Variants in FNBP1 observed in about 807,000 individuals in gnomAD.
FNBP1 encodes the protein formin-binding protein 1.
Under a neutral mutation model 90.6 loss-of-function variants are expected in FNBP1, and 26 were observed. The observed-to-expected ratio is 0.29, with a 90% CI of 0.21 to 0.40. FNBP1 has a LOEUF of 0.40. Among genes scored for constraint, FNBP1 ranks in the 10% least tolerant of loss-of-function variants. FNBP1 has a pLI of 1.00. For missense variants in FNBP1, 635 were observed against 768.0 expected, an observed-to-expected ratio of 0.83 and a Z score of 2.05; for synonymous variants, 260 against 265.2, an observed-to-expected ratio of 0.98 and a Z score of 0.19.
rs1362577807 is a variant in FNBP1, at chr9:129,966,331, C to G, written c.346-7778G>C. 6.6e-6 allele frequency among the ~76,000 whole-genome samples: 1 copy of G among 152,132 alleles called. No individual in the cohort carries two copies. The highest frequency in any genetic ancestry group is 2.4e-5 in the African/African-American group (1 of 41,420). ...GCCCTGTTTGAGGAACAGCTGGATG[C>G]CAGTGCCACTAGACCAAGGTAAAGG... On this transcript the variant is annotated intron_variant, in intron 4 of 16. Transcript: ENST00000446176. The surrounding 1 kb of genome is among the most constrained non-coding windows in gnomAD (Gnocchi z 4.3).
chr9:129,982,619 G>T (rs1462612433), intron 2 of FNBP1, among the ~76,000 whole-genome samples: 3 of 152,152 alleles, frequency 2.0e-5, no homozygotes, highest in African/African-American at 7.2e-5. Flanking sequence ...CTGCATGTGA[G>T]ATATTTCTAG....
chr9:129,951,989 C>T (rs1242302090), intron 6 of FNBP1, among the ~76,000 whole-genome samples: 2 of 151,304 alleles, frequency 1.3e-5, no homozygotes, highest in Non-Finnish European at 2.9e-5. Context: ...GGCAGGAGTT[C>T]GAGACCAGCC....
intron 1 of FNBP1, among the ~76,000 whole-genome samples, chr9:130,039,722 G>C (rs2059658551): frequency 6.7e-6 from 1 of 149,976 alleles, no homozygotes; most frequent in South Asian, 2.1e-4. Context: ...AGGGGTTAAA[G>C]AAAAAGTAAA....
At chr9:130,019,244 T>C (rs563744254) in intron 1 of FNBP1, among the ~76,000 whole-genome samples, 27 of 146,744 alleles carry the variant, frequency 1.8e-4, no homozygotes, top group African/African-American at 6.6e-4. Context: ...GAGGTTGCAG[T>C]GAGCCGAGAT....
At chr9:129,905,842 T>G (rs2037933121) in intron 12 of FNBP1, among the ~76,000 whole-genome samples, 1 of 152,072 alleles carries the variant, frequency 6.6e-6, no homozygotes, top group African/African-American at 2.4e-5. Context: ...CTACTATGAT[T>G]TTTTGTTTAG....
chr9:130,009,072 A>G (rs2417192), intron 1 of FNBP1, among the ~76,000 whole-genome samples: 128,061 of 152,154 alleles, frequency 0.84, 54,326 homozygotes, highest in Non-Finnish European at 0.89. Flanking sequence ...AATATTTCCA[A>G]GTTGGAGGGG....
rs915126439 is a variant in FNBP1 at position 130,031,678 on chromosome 9, T to C, written c.24+11274A>G. Among the ~76,000 whole-genome samples, 9 of 152,190 alleles carry C rather than the reference T, an allele frequency of 5.9e-5. No individual in the cohort carries two copies. The highest frequency in any genetic ancestry group is 2.2e-4 in the African/African-American group (9 of 41,436). ...TTCTTTCTTTCTTTCTTTCTTTTTT[T>C]TGACAGGGAGTCTCGCTCTGTTGCC... On this transcript the variant is annotated intron_variant, in intron 1 of 16. Coordinates refer to ENST00000446176, the MANE Select transcript of FNBP1 (RefSeq NM_015033.3). The surrounding 1 kb of genome is among the most constrained non-coding windows in gnomAD (Gnocchi z 4.2).
At position 129,923,905 on chromosome 9, in the gene FNBP1, C is replaced by A; in HGVS notation, c.1109G>T (p.Arg370Leu). 3 of 1,532,832 alleles carry A rather than the reference C, an allele frequency of 2.0e-6. No individual in the cohort carries two copies. Among genetic ancestry groups the A allele is most frequent in the Non-Finnish European group, 2.6e-6 (3 of 1,137,238 alleles). 95.0% of individuals were successfully genotyped at this position (1,532,832 alleles called of 1,614,324 possible). The part of the protein sequence containing the change: ...PKQQKEPLSH[R>L]FNEFMTSKPK... Reference sequence around the variant, plus strand: ...TTTGGAGGTCATGAACTCGTTGAAGCGATGGGAGAGGGGTTCCTTTTGCTG... The same window carrying A: ...TTTGGAGGTCATGAACTCGTTGAAGAGATGGGAGAGGGGTTCCTTTTGCTG... The change falls in exon 10 of 17, where the codon CGC becomes CTC. Residue 370 changes from arginine (R) to leucine (L), a missense_variant. Physicochemically the swap from Arg to Leu is moderately radical, Grantham distance 102. Coordinates refer to ENST00000446176, the MANE Select transcript of FNBP1 (RefSeq NM_015033.3).
At chr9:130,047,757 C>G (rs1317227188), upstream of FNBP1, among the ~76,000 whole-genome samples, 4 of 151,914 alleles carry the variant, frequency 2.6e-5, no homozygotes, top group Non-Finnish European at 2.9e-5. Flanking sequence ...TCAAACAGAA[C>G]AGAGACCCTG....
intron 6 of FNBP1, among the ~76,000 whole-genome samples, chr9:129,945,297 G>C (rs1361894487): frequency 6.6e-6 from 1 of 151,978 alleles, no homozygotes; most frequent in East Asian, 1.9e-4. Context: ...GCAATAAAAA[G>C]CATTTGAAAC....
In FNBP1 at chr9:129,965,708, G is replaced by GCGCGCA. The variant is rs1554821703; in HGVS notation, c.346-7156_346-7155insTGCGCG. ...AACACACACACACACGCGCGCGCGCGCACACACACACACACATAGAAAGAA... is the reference window on the plus strand; with the variant it reads ...AACACACACACACACGCGCGCGCGCGCGCGCACACACACACACACACATAGAAAGAA... On this transcript the variant is annotated intron_variant, in intron 4 of 16. Transcript: ENST00000446176. Among the ~76,000 whole-genome samples the GCGCGCA allele has an allele frequency of 5.2e-4, 76 of 145,558 alleles. 1 individual carries two copies. The highest frequency in any genetic ancestry group is 1.9e-3 in the African/African-American group (73 of 39,370).
chr9:130,007,268 AAG>A lies in FNBP1; in HGVS notation c.25-12312_25-12311del, dbSNP rs1324802707. 2.3e-4 allele frequency among the ~76,000 whole-genome samples: 35 copies of A among 151,734 alleles called. No individual in the cohort carries two copies. In the East Asian group the frequency reaches 5.0e-3, roughly 22 times the overall value. ...AAAAAAAAAAAAAAAGAAAAAAAAA[AAG>A]AATGCAGAAAGACACATAGAGTACA... On this transcript the variant is annotated intron_variant, in intron 1 of 16. Transcript: ENST00000446176.
chr9:129,960,238 G>A (rs1423294323), intron 4 of FNBP1, among the ~76,000 whole-genome samples: 4 of 151,698 alleles, frequency 2.6e-5, no homozygotes, highest in South Asian at 4.2e-4. Context: ...CTGGCCGGGC[G>A]TGGTGGCGTG....
chr9:129,982,034 G>GT (rs1253440443), intron 2 of FNBP1, among the ~76,000 whole-genome samples: 1 of 152,056 alleles, frequency 6.6e-6, no homozygotes, highest in African/African-American at 2.4e-5. Context: ...AAAATAATGT[G>GT]AAAAAGCAAT....
chr9:129,913,602 C>T (rs1028053025), intron 11 of FNBP1, among the ~76,000 whole-genome samples: 2 of 152,026 alleles, frequency 1.3e-5, no homozygotes, highest in Non-Finnish European at 2.9e-5. Flanking sequence ...GAAACCCCGT[C>T]TCTACTAAAA....
At chr9:129,995,650 T>C (rs779898494) in intron 1 of FNBP1, among the ~76,000 whole-genome samples, 32 of 152,052 alleles carry the variant, frequency 2.1e-4, no homozygotes. Context: ...CCAGCCTGGG[T>C]ATAAGAGCAT....
At position 130,021,069 on chromosome 9, in the gene FNBP1, A is replaced by G. The variant is rs147758672; in HGVS notation, c.24+21883T>C. On this transcript the variant is annotated intron_variant, in intron 1 of 16. Transcript: ENST00000446176. ...TCTCCAAAACGTCAAATTGCTGGTT[A>G]TTTTTTTCCAAGTACTTCTGATATA... 3.0e-4 allele frequency among the ~76,000 whole-genome samples: 46 copies of G among 152,240 alleles called. 1 individual carries two copies. The East Asian group carries it at 8.5e-3, about 28-fold the overall frequency.
Position 129,988,332 on chromosome 9 carries a change from A to AGGCCG in FNBP1, c.140+6510_140+6511insCGGCC, listed in dbSNP as rs2052605920. 8.6e-5 allele frequency among the ~76,000 whole-genome samples: 13 copies of AGGCCG among 151,574 alleles called. 1 individual carries two copies. Among genetic ancestry groups the AGGCCG allele is most frequent in the African/African-American group, 2.9e-4 (12 of 40,888 alleles). On this transcript the variant is annotated intron_variant, in intron 2 of 16. Coordinates refer to ENST00000446176, the MANE Select transcript of FNBP1 (RefSeq NM_015033.3). ...AGGAATTTCAACCTATACTACCTTGAATAGATAGTGACCTCAGGGGTTGGC... is the reference window on the plus strand; with the variant it reads ...AGGAATTTCAACCTATACTACCTTGAGGCCGATAGATAGTGACCTCAGGGGTTGGC...
chr9:129,941,908 TA>T (rs1196576879), intron 6 of FNBP1, among the ~76,000 whole-genome samples: 3 of 151,908 alleles, frequency 2.0e-5, no homozygotes, highest in African/African-American at 4.8e-5. Flanking sequence ...CCATCTCTAC[TA>T]AAAATACAAA....
Sources: gnomAD v4.1 joint callset for allele counts (sites outside exome capture counted in the v4.1 genomes callset) on GRCh38, gnomAD v4.1.1 for gene constraint, Gnocchi (gnomAD v3.1) non-coding constraint, MANE v1.5 for transcripts, NCBI Gene and HGNC (gene_info 2026-07-23, HGNC 2026-07-21) for gene names.